The following MAK variants were observed in gnomAD, a reference collection of about 807,000 sequenced individuals.
The protein encoded by MAK is serine/threonine-protein kinase MAK.
MAK carries 65 observed loss-of-function variants against 82.6 expected under a neutral mutation model. That is an observed-to-expected ratio of 0.79 (90% confidence interval 0.64 to 0.97). MAK has a LOEUF of 0.97. MAK is among the 50% of genes least tolerant of loss of function. The pLI is 0.00. For missense variants in MAK, 703 were observed against 780.2 expected, an observed-to-expected ratio of 0.90 and a Z score of 1.18; for synonymous variants, 250 against 274.2, an observed-to-expected ratio of 0.91 and a Z score of 0.87.
intron 11 of MAK, among the ~76,000 whole-genome samples, chr6:10,784,002 G>A (rs765061028): frequency 2.0e-5 from 3 of 152,054 alleles, no homozygotes; most frequent in Non-Finnish European, 4.4e-5. Context: ...CTGGGCGACA[G>A]AGCGAGAATC....
In MAK at chr6:10,802,058, C is replaced by T; in HGVS notation, c.665G>A (p.Ser222Asn). 6.2e-7 allele frequency: 1 copy of T among 1,614,028 alleles called. No individual in the cohort carries two copies. Among genetic ancestry groups the T allele is most frequent in the Non-Finnish European group, 8.5e-7 (1 of 1,179,980 alleles). Residue 222 changes from serine (S) to asparagine (N), a missense_variant and splice_region_variant, in exon 8 of 15, where the codon AGT becomes AAT. Coordinates refer to ENST00000354489, the MANE Select transcript of MAK (RefSeq NM_001242957.3). ...CAGCTGGTATCCTTCTGGCCAGTCACTCTGTTTCAGGAATATATAAGTGCA... is the reference window on the plus strand; with the variant it reads ...CAGCTGGTATCCTTCTGGCCAGTCATTCTGTTTCAGGAATATATAAGTGCA... ...ICQVLGTPKKSDWPEGYQLAS... is the reference protein window; with the variant it reads ...ICQVLGTPKKNDWPEGYQLAS...
chr6:10,787,535 A>G (rs551383), intron 10 of MAK, among the ~76,000 whole-genome samples: 128,264 of 152,174 alleles, frequency 0.84, 54,484 homozygotes, highest in African/African-American at 0.96. Flanking sequence ...GAATTGTACA[A>G]GACCATTGAA....
At position 10,818,754 on chromosome 6, in the gene MAK, A is replaced by G. The variant is rs1170928202; in HGVS notation, c.156+132T>C. On this transcript the variant is annotated intron_variant, in intron 3 of 14. Transcript: ENST00000354489. The stretch of plus-strand genomic sequence containing the variant: ...CAGAACCAGAAGAAATGAGAAATTA[A>G]TTTAGGAATATAAAGGAAAAACAAA... 7.4e-6 allele frequency: 5 copies of G among 674,508 alleles called. No individual in the cohort carries two copies. The African/African-American group carries it at 9.0e-5, about 12-fold the overall frequency. 41.8% of individuals were successfully genotyped at this position (674,508 alleles called of 1,614,324 possible).
At chr6:10,832,348 T>C (rs1451833717) in intron 1 of MAK, among the ~76,000 whole-genome samples, 3 of 152,398 alleles carry the variant, frequency 2.0e-5, no homozygotes, top group African/African-American at 7.2e-5. Context: ...ACTTCAATTT[T>C]GAAAGAAGTT....
chr6:10,799,600 A>G (rs1294629881), intron 8 of MAK, among the ~76,000 whole-genome samples: 1 of 152,160 alleles, frequency 6.6e-6, no homozygotes, highest in Non-Finnish European at 1.5e-5. Flanking sequence ...TAAAGAAACA[A>G]AACTTTCAAA....
chr6:10,807,404 G>A (rs1468743546), intron 6 of MAK, among the ~76,000 whole-genome samples: 27 of 130,618 alleles, frequency 2.1e-4, no homozygotes, highest in African/African-American at 4.4e-4. Context: ...GTTCAGTGGC[G>A]CAATCTCGGC....
chr6:10,837,900 G>C (rs1441827423), intron 1 of MAK: 1 of 152,222 alleles, frequency 6.6e-6, no homozygotes, highest in Non-Finnish European at 1.5e-5. Flanking sequence ...CCCGGGCGCC[G>C]GGAGTCCGGC....
intron 11 of MAK, among the ~76,000 whole-genome samples, chr6:10,777,408 C>CAAAAA (rs57082378): frequency 1.5e-5 from 2 of 137,776 alleles, no homozygotes. Flanking sequence ...AAGACTGTCA[C>CAAAAA]AAAAAAAAAA....
At position 10,785,016 on chromosome 6, in the gene MAK, C is replaced by T. The variant is rs143368432; in HGVS notation, c.1317-444G>A. 98 of 455,576 alleles carry T rather than the reference C, an allele frequency of 2.2e-4. 2 individuals are homozygous for T. The East Asian group carries it at 4.4e-3, about 21-fold the overall frequency. 28.2% of individuals were successfully genotyped at this position (455,576 alleles called of 1,614,324 possible). Reference sequence around the variant, plus strand: ...GGGAAAGAAGTGCTAGAAAAGCTCCCGTATACAATTTCCCGTCACCCTAGT... The same window carrying T: ...GGGAAAGAAGTGCTAGAAAAGCTCCTGTATACAATTTCCCGTCACCCTAGT... On this transcript the variant is annotated intron_variant, in intron 10 of 14. Transcript: ENST00000354489.
chr6:10,822,684 T>C (rs921907965), intron 2 of MAK, among the ~76,000 whole-genome samples: 4 of 152,218 alleles, frequency 2.6e-5, no homozygotes, highest in African/African-American at 9.6e-5. Context: ...TTGCCATCTT[T>C]TGTCATTTAT....
rs143113005 is a variant in MAK, at chr6:10,769,182, C to G, written c.1792+929G>C. ...TGAACCATGATTGCATCCCTGCACT[C>G]CAGCCTGGGTGACAGAGCAAGGCTT... On this transcript the variant is annotated intron_variant, in intron 14 of 14. Coordinates refer to ENST00000354489, the MANE Select transcript of MAK (RefSeq NM_001242957.3). Among the ~76,000 whole-genome samples the G allele has an allele frequency of 4.3e-3, 661 of 152,234 alleles. 5 individuals are homozygous for G. Among genetic ancestry groups the G allele is most frequent in the African/African-American group, 0.014 (578 of 41,548 alleles).
chr6:10,785,859 C>T (rs1774490074), intron 10 of MAK, among the ~76,000 whole-genome samples: 1 of 152,292 alleles, frequency 6.6e-6, no homozygotes, highest in South Asian at 2.1e-4. Flanking sequence ...TGAAGAGAGG[C>T]TTAATTCCAA....
At position 10,791,855 on chromosome 6, in the gene MAK, G is replaced by A. The variant is rs776541315; in HGVS notation, c.1144-8C>T. ...CAGTGTGCCATTTGGCTTCTGTGGT[G>A]GAAAATCAGTCATCATAATCTTTAA... On this transcript the variant is annotated splice_polypyrimidine_tract_variant and splice_region_variant and intron_variant, in intron 9 of 14. Coordinates refer to ENST00000354489, the MANE Select transcript of MAK (RefSeq NM_001242957.3). 75 of 1,613,848 alleles carry A rather than the reference G, an allele frequency of 4.6e-5. No homozygotes were observed. The highest frequency in any genetic ancestry group is 6.1e-5 in the Non-Finnish European group (72 of 1,179,946).
rs945655935 is a variant in MAK at position 10,793,970 on chromosome 6, AG to A, written c.1143+2027del. On this transcript the variant is annotated intron_variant, in intron 9 of 14. Coordinates refer to ENST00000354489, the MANE Select transcript of MAK (RefSeq NM_001242957.3). This position sits in a 1 kb window ranked among gnomAD's most constrained non-coding sequence, Gnocchi z 4.6. ...CATTCTAAGTGGAAAGCAAGATGAG[AG>A]GGGACTTAAAGACACATTCATAATA... Among the ~76,000 whole-genome samples the A allele has an allele frequency of 3.3e-5, 5 of 152,184 alleles. No individual in the cohort carries two copies. Among genetic ancestry groups the A allele is most frequent in the Non-Finnish European group, 5.9e-5 (4 of 68,038 alleles).
chr6:10,801,124 G>T (rs576903937), intron 8 of MAK, among the ~76,000 whole-genome samples: 1 of 151,958 alleles, frequency 6.6e-6, no homozygotes, highest in African/African-American at 2.4e-5. Context: ...CCCTATCACC[G>T]CTCTCTAATT....
intron 2 of MAK, among the ~76,000 whole-genome samples, chr6:10,826,977 G>A (rs1269134053): frequency 6.6e-6 from 1 of 152,134 alleles, no homozygotes; most frequent in Non-Finnish European, 1.5e-5. Context: ...CAGGCGTGGT[G>A]GTACATGCCT....
At position 10,793,376 on chromosome 6, in the gene MAK, G is replaced by A. The variant is rs73429425; in HGVS notation, c.1144-1529C>T. Among the ~76,000 whole-genome samples, 5,655 of 152,192 alleles carry A rather than the reference G, an allele frequency of 0.037. 320 individuals carry two copies. The highest frequency in any genetic ancestry group is 0.12 in the African/African-American group (5,124 of 41,512). On this transcript the variant is annotated intron_variant, in intron 9 of 14. Coordinates refer to ENST00000354489, the MANE Select transcript of MAK (RefSeq NM_001242957.3). This position sits in a 1 kb window ranked among gnomAD's most constrained non-coding sequence, Gnocchi z 4.6. ...GTAGCCTGCCCAAGATCTCACGGTCGTTCTATTCATCATGAAGATTCAGGA... is the reference window on the plus strand; with the variant it reads ...GTAGCCTGCCCAAGATCTCACGGTCATTCTATTCATCATGAAGATTCAGGA...
At chr6:10,784,388 C>G in intron 11 of MAK, 36 bp downstream of exon 11, 7 of 1,611,464 alleles carry the variant, frequency 4.3e-6, no homozygotes, top group Non-Finnish European at 5.9e-6. Context: ...TATCTATACT[C>G]TAGTTAGCAG....
chr6:10,779,061 G>C (rs1773715163), intron 11 of MAK, among the ~76,000 whole-genome samples: 1 of 149,228 alleles, frequency 6.7e-6, no homozygotes, highest in Admixed American at 6.7e-5. Context: ...CCAGGAGGTG[G>C]AGGTTGCAGT....
Sources: gnomAD v4.1 joint callset for allele counts (sites outside exome capture counted in the v4.1 genomes callset) on GRCh38, gnomAD v4.1.1 for gene constraint, Gnocchi (gnomAD v3.1) non-coding constraint, MANE v1.5 for transcripts, NCBI Gene and HGNC (gene_info 2026-07-23, HGNC 2026-07-21) for gene names.